The following ANKRD13C variants were observed in gnomAD, a reference collection of about 807,000 sequenced individuals.
ANKRD13C encodes ankyrin repeat domain-containing protein 13C.
Under a neutral mutation model 65.5 loss-of-function variants are expected in ANKRD13C, and 16 were observed. That is an observed-to-expected ratio of 0.24 (90% confidence interval 0.17 to 0.37). ANKRD13C has a LOEUF of 0.37. ANKRD13C is among the 10% of genes least tolerant of loss of function. The probability of loss-of-function intolerance (pLI) is 1.00; values close to 1 mark genes in which losing one functional copy is unlikely to be tolerated. For missense variants in ANKRD13C, 503 were observed against 655.9 expected (o/e 0.77, Z 2.55); for synonymous variants, 235 against 238.7 (o/e 0.98, Z 0.14).
rs564662515 is a variant in ANKRD13C, at chr1:70,296,626, G to GA, written c.922-366dup. Among the ~76,000 whole-genome samples, 73 of 152,108 alleles carry GA rather than the reference G, an allele frequency of 4.8e-4. No individual in the cohort carries two copies. In the East Asian group the frequency reaches 5.6e-3, roughly 12 times the overall value. ...TTAAGAATTAACTTGACAGATCTGA[G>GA]AAAAAAACCCAGATAAAGGATATTT... On this transcript the variant is annotated intron_variant, in intron 7 of 12. Coordinates refer to ENST00000370944, the MANE Select transcript of ANKRD13C (RefSeq NM_030816.5).
chr1:70,343,767 G>A (rs1682411197), intron 1 of ANKRD13C, among the ~76,000 whole-genome samples: 1 of 152,102 alleles, frequency 6.6e-6, no homozygotes, highest in South Asian at 2.1e-4. Flanking sequence ...CAAATTCCTA[G>A]CCTCAAGTGA....
chr1:70,331,843 A>AAG (rs1681818002), intron 2 of ANKRD13C, among the ~76,000 whole-genome samples: 3 of 149,900 alleles, frequency 2.0e-5, no homozygotes, highest in African/African-American at 7.3e-5. Flanking sequence ...AAAAAAAAAA[A>AAG]GGAACACTAA....
intron 3 of ANKRD13C, among the ~76,000 whole-genome samples, chr1:70,323,384 C>A (rs1235004007): frequency 3.3e-5 from 5 of 152,126 alleles, no homozygotes; most frequent in Non-Finnish European, 7.3e-5. Flanking sequence ...GTGGCTCATG[C>A]CTGTAATCCT....
chr1:70,339,812 TTTATTATTATTATTATTATTATTA>T (rs146940723), intron 1 of ANKRD13C, among the ~76,000 whole-genome samples: 16,030 of 133,854 alleles, frequency 0.12, 1,158 homozygotes, highest in East Asian at 0.33. Flanking sequence ...GATCAGTACG[TTTATTATTATTATTATTATTATTA>T]TTATTATTAT....
At chr1:70,302,993 A>G (rs887390972) in intron 6 of ANKRD13C, among the ~76,000 whole-genome samples, 2 of 152,146 alleles carry the variant, frequency 1.3e-5, no homozygotes, top group African/African-American at 4.8e-5. Flanking sequence ...GTGGAGATGA[A>G]AAGGTGAGTA....
At chr1:70,274,438 C>A (rs1274351649) in intron 11 of ANKRD13C, among the ~76,000 whole-genome samples, 21 of 135,628 alleles carry the variant, frequency 1.5e-4, no homozygotes. Context: ...CGCGCCACTG[C>A]ACTCCAGCCT....
intron 6 of ANKRD13C, chr1:70,305,843 A>G (rs1358263416): frequency 6.6e-6 from 1 of 152,658 alleles, no homozygotes; most frequent in Non-Finnish European, 1.5e-5. Context: ...AAAGGCAAGA[A>G]TTGGGTCTTC....
chr1:70,328,021 T>C (rs1354344737), intron 2 of ANKRD13C, among the ~76,000 whole-genome samples: 1 of 151,848 alleles, frequency 6.6e-6, no homozygotes, highest in East Asian at 1.9e-4. Flanking sequence ...GCCGAGACTG[T>C]ACCACTGAGC....
chr1:70,308,540 C>T (rs1193420380), intron 5 of ANKRD13C, among the ~76,000 whole-genome samples: 2 of 151,734 alleles, frequency 1.3e-5, no homozygotes. Flanking sequence ...GAGATGAAGA[C>T]GGTCCTGGCT....
intron 7 of ANKRD13C, among the ~76,000 whole-genome samples, chr1:70,300,249 G>A (rs1435869979): frequency 6.6e-6 from 1 of 152,110 alleles, no homozygotes; most frequent in Non-Finnish European, 1.5e-5. Context: ...TTCTCAGCAG[G>A]CTCAATGGAC....
intron 5 of ANKRD13C, among the ~76,000 whole-genome samples, chr1:70,306,493 C>A (rs1315791369): frequency 6.6e-6 from 1 of 152,056 alleles, no homozygotes; most frequent in Admixed American, 6.6e-5. Context: ...CTTGTAATTT[C>A]TGTATAGTTT....
At position 70,354,549 on chromosome 1, in the gene ANKRD13C, G is replaced by A; in HGVS notation, c.-141C>T. On this transcript the variant is annotated 5_prime_UTR_variant, in exon 1 of 13. Coordinates refer to ENST00000370944, the MANE Select transcript of ANKRD13C (RefSeq NM_030816.5). ...ACTCCCACTGAGCCCCCGAGCCTGGGACAAACGCATCTCCCGGGGAAGAGC... is the reference window on the plus strand; with the variant it reads ...ACTCCCACTGAGCCCCCGAGCCTGGAACAAACGCATCTCCCGGGGAAGAGC... 2 of 1,435,088 alleles carry A rather than the reference G, an allele frequency of 1.4e-6. No homozygotes were observed. The highest frequency in any genetic ancestry group is 1.8e-6 in the Non-Finnish European group (2 of 1,099,140). The allele number at this position is 1,435,088 out of a possible 1,614,324, so 88.9% of individuals were successfully genotyped here.
chr1:70,312,816 A>AG (rs1427257006), intron 5 of ANKRD13C, among the ~76,000 whole-genome samples: 2 of 152,148 alleles, frequency 1.3e-5, no homozygotes, highest in African/African-American at 4.8e-5. Context: ...CTAGAATCAA[A>AG]TTTCATATTT....
intron 3 of ANKRD13C, among the ~76,000 whole-genome samples, chr1:70,322,694 G>C (rs981446173): frequency 2.0e-5 from 3 of 151,984 alleles, no homozygotes; most frequent in Non-Finnish European, 2.9e-5. Context: ...TACTGACTCT[G>C]AGTAAAGAAT....
Position 70,345,429 on chromosome 1 carries a change from C to CA in ANKRD13C, c.430+8549dup, listed in dbSNP as rs879748302. ...GAGCAAGAAGAGCAATATTCCGTCTCAAAAAAAAAAAAAGATTGCAATGTG... is the reference window on the plus strand; with the variant it reads ...GAGCAAGAAGAGCAATATTCCGTCTCAAAAAAAAAAAAAAGATTGCAATGTG... On this transcript the variant is annotated intron_variant, in intron 1 of 12. Coordinates refer to ENST00000370944, the MANE Select transcript of ANKRD13C (RefSeq NM_030816.5). Among the ~76,000 whole-genome samples, 912 of 124,986 alleles carry CA rather than the reference C, an allele frequency of 7.3e-3. 10 individuals carry two copies. The highest frequency in any genetic ancestry group is 0.023 in the African/African-American group (786 of 33,816). The allele number at this position is 124,986 out of a possible 152,430, so 82.0% of individuals were successfully genotyped here.
Position 70,260,650 on chromosome 1 carries a change from A to T in ANKRD13C, c.*2067T>A, listed in dbSNP as rs1388607920. 6.6e-6 allele frequency: 1 copy of T among 152,104 alleles called. No homozygotes were observed. The highest frequency in any genetic ancestry group is 2.4e-5 in the African/African-American group (1 of 41,440). 9.4% of individuals were successfully genotyped at this position (152,104 alleles called of 1,614,324 possible). ...CGATTAATTCCTTTTTTTCACCATC[A>T]TAAGAGATATTGACATTTGTTTGCT... On this transcript the variant is annotated 3_prime_UTR_variant, in exon 13 of 13. Coordinates refer to ENST00000370944, the MANE Select transcript of ANKRD13C (RefSeq NM_030816.5).
intron 12 of ANKRD13C, among the ~76,000 whole-genome samples, chr1:70,266,114 C>T (rs1291821290): frequency 6.6e-6 from 1 of 152,124 alleles, no homozygotes. Flanking sequence ...CACAGTGTTG[C>T]CCTTTTATAG....
chr1:70,342,577 C>G (rs1359041855), intron 1 of ANKRD13C, among the ~76,000 whole-genome samples: 1 of 151,980 alleles, frequency 6.6e-6, no homozygotes, highest in Non-Finnish European at 1.5e-5. Flanking sequence ...CGTTTACAAT[C>G]AAATGTATAA....
At chr1:70,348,471 T>G (rs1211529610) in intron 1 of ANKRD13C, among the ~76,000 whole-genome samples, 1 of 152,184 alleles carries the variant, frequency 6.6e-6, no homozygotes, top group African/African-American at 2.4e-5. Flanking sequence ...TTCACCATGT[T>G]AGCCAGGCTG....
Sources: allele counts gnomAD v4.1 joint callset (sites outside exome capture counted in the v4.1 genomes callset), GRCh38; gene constraint gnomAD v4.1.1; transcripts MANE v1.5; gene names NCBI Gene and HGNC (gene_info 2026-07-23, HGNC 2026-07-21).